Variants in ARL5B observed in about 807,000 individuals in gnomAD.
ARL5B encodes the protein ARF like GTPase 5B.
A neutral mutation model predicts 26.9 loss-of-function variants in ARL5B; 10 were observed. The ratio of observed to expected loss-of-function variants is 0.37; its 90% CI spans 0.23 to 0.63. The LOEUF (loss-of-function observed/expected upper bound fraction) is 0.63, where lower values mean the gene tolerates loss of function less well. ARL5B is among the 30% of genes least tolerant of loss of function. ARL5B has a pLI of 0.62. For missense variants in ARL5B, 167 were observed against 213.9 expected (o/e 0.78, Z 1.37); for synonymous variants, 87 against 70.4 (o/e 1.24, Z -1.18).
chr10:18,672,765 T>C (rs2059893493), intron 4 of ARL5B, 60 bp downstream of exon 4: 1 of 1,206,284 alleles, frequency 8.3e-7, no homozygotes, highest in Non-Finnish European at 1.2e-6. Flanking sequence ...ACGTTGCCTT[T>C]GCTTTTTTGC....
intron 5 of ARL5B, among the ~76,000 whole-genome samples, chr10:18,674,724 A>G (rs2059903243): frequency 6.6e-6 from 1 of 152,168 alleles, no homozygotes; most frequent in African/African-American, 2.4e-5. Flanking sequence ...TCACCTTCTT[A>G]GTTTTTCTCT....
intron 1 of ARL5B, among the ~76,000 whole-genome samples, chr10:18,661,077 G>C (rs2059833372): frequency 6.6e-6 from 1 of 152,170 alleles, no homozygotes; most frequent in Non-Finnish European, 1.5e-5. Flanking sequence ...TCGACCTTCT[G>C]ACTTCAGGTG....
At chr10:18,670,571 A>T (rs2059882525) in intron 3 of ARL5B, among the ~76,000 whole-genome samples, 1 of 152,210 alleles carries the variant, frequency 6.6e-6, no homozygotes, top group Non-Finnish European at 1.5e-5. Flanking sequence ...AGATAGCACC[A>T]CTGCACTCCA....
rs979766577 is a variant in ARL5B at position 18,678,337 on chromosome 10, A to G, written c.*3121A>G. The stretch of plus-strand genomic sequence containing the variant: ...TTTAAATGAGTGCCACCCCATAGCC[A>G]TAGTCATTTTGATTAAGCATAATTT... On this transcript the variant is annotated 3_prime_UTR_variant, in exon 6 of 6. Transcript: ENST00000377275. The G allele has an allele frequency of 3.3e-5, 5 of 151,858 alleles. No homozygotes were observed. Among genetic ancestry groups the G allele is most frequent in the Admixed American group, 2.6e-4 (4 of 15,244 alleles). The allele number at this position is 151,858 out of a possible 1,614,324, so 9.4% of individuals were successfully genotyped here. A position where few individuals can be genotyped will look rare whatever the true frequency, so the allele number is the denominator to read the frequency against.
chr10:18,676,096 A>G lies in ARL5B; in HGVS notation c.*880A>G, dbSNP rs1014590238. 5.9e-5 allele frequency: 9 copies of G among 152,460 alleles called. No individual in the cohort carries two copies. The highest frequency in any genetic ancestry group is 1.9e-4 in the African/African-American group (8 of 41,442). 9.4% of individuals were successfully genotyped at this position (152,460 alleles called of 1,614,324 possible). On this transcript the variant is annotated 3_prime_UTR_variant, in exon 6 of 6. Transcript: ENST00000377275. ...CAGTTTACAAACAACTTTATTATCA[A>G]CAGAAATTTTAGCTCTTTTCTTTGC...
intron 1 of ARL5B, among the ~76,000 whole-genome samples, chr10:18,660,904 G>C (rs1216050963): frequency 6.6e-6 from 1 of 152,146 alleles, no homozygotes; most frequent in Non-Finnish European, 1.5e-5. Context: ...CTTCAGTGCA[G>C]TGGCGCAATC....
chr10:18,659,673 C>T lies in ARL5B; in HGVS notation c.36C>T (p.Phe12=). Residue 12 remains phenylalanine (F), a synonymous_variant, in exon 1 of 6, where the codon TTC becomes TTT. Coordinates refer to ENST00000377275, the MANE Select transcript of ARL5B (RefSeq NM_178815.5). ...TCTTCGCCAAACTGTGGAGCCTCTT[C>T]TGTAACCAAGGTGAGAAGAATGGAG... ...GLIFAKLWSL[F]CNQEHKVIIV... 1 of 1,613,228 alleles carries T rather than the reference C, an allele frequency of 6.2e-7. No homozygotes were observed. Among genetic ancestry groups the T allele is most frequent in the East Asian group, 2.2e-5 (1 of 44,788 alleles).
chr10:18,678,168 T>C lies in ARL5B; in HGVS notation c.*2952T>C, dbSNP rs1045758755. Reference sequence around the variant, plus strand: ...AATTCCTTAAAACCTGGAATATTAATATATATAATCTATTAAAAGCTGAAG... The same window carrying C: ...AATTCCTTAAAACCTGGAATATTAACATATATAATCTATTAAAAGCTGAAG... On this transcript the variant is annotated 3_prime_UTR_variant, in exon 6 of 6. Coordinates refer to ENST00000377275, the MANE Select transcript of ARL5B (RefSeq NM_178815.5). The C allele has an allele frequency of 2.6e-5, 4 of 151,810 alleles. No homozygotes were observed. The highest frequency in any genetic ancestry group is 6.6e-5 in the Admixed American group (1 of 15,242). 9.4% of individuals were successfully genotyped at this position (151,810 alleles called of 1,614,324 possible).
chr10:18,675,276 A>G lies in ARL5B; in HGVS notation c.*60A>G. 6.6e-7 allele frequency: 1 copy of G among 1,521,134 alleles called. No individual in the cohort carries two copies. Among genetic ancestry groups the G allele is most frequent in the Non-Finnish European group, 9.1e-7 (1 of 1,096,368 alleles). The allele number at this position is 1,521,134 out of a possible 1,614,324, so 94.2% of individuals were successfully genotyped here. A position where few individuals can be genotyped will look rare whatever the true frequency, so the allele number is the denominator to read the frequency against. ...TGTGACATGAACATTTTTTCCTAGT[A>G]CCTTTGGCTGCTAAGGCAGCAGCAT... is the stretch of plus-strand genomic sequence containing the variant. On this transcript the variant is annotated 3_prime_UTR_variant, in exon 6 of 6. Coordinates refer to ENST00000377275, the MANE Select transcript of ARL5B (RefSeq NM_178815.5).
chr10:18,675,234 G>T lies in ARL5B; in HGVS notation c.*18G>T. Reference sequence around the variant, plus strand: ...TGAGATAACTTTTTTGCTTGAAAGAGACTGCTCTATTTATTCTGTGACATG... The same window carrying T: ...TGAGATAACTTTTTTGCTTGAAAGATACTGCTCTATTTATTCTGTGACATG... On this transcript the variant is annotated 3_prime_UTR_variant, in exon 6 of 6. Transcript: ENST00000377275. The T allele has an allele frequency of 6.2e-7, 1 of 1,610,568 alleles. No individual in the cohort carries two copies. The highest frequency in any genetic ancestry group is 8.5e-7 in the Non-Finnish European group (1 of 1,176,848).
chr10:18,659,697 AGCT>A lies in ARL5B; in HGVS notation c.46+17_46+19del. 6.2e-7 allele frequency: 1 copy of A among 1,610,964 alleles called. No individual in the cohort carries two copies. The highest frequency in any genetic ancestry group is 8.5e-7 in the Non-Finnish European group (1 of 1,178,782). On this transcript the variant is annotated intron_variant, in intron 1 of 5. Coordinates refer to ENST00000377275, the MANE Select transcript of ARL5B (RefSeq NM_178815.5). ...TCTGTAACCAAGGTGAGAAGAATGGAGCTGCGCGGCGGCTCGAATCCGAGGCAG... is the reference window on the plus strand; with the variant it reads ...TCTGTAACCAAGGTGAGAAGAATGGAGCGCGGCGGCTCGAATCCGAGGCAG...
In ARL5B at chr10:18,659,449, G is replaced by A. The variant is rs1590220938; in HGVS notation, c.-189G>A. 1.0e-5 allele frequency: 7 copies of A among 697,074 alleles called. No homozygotes were observed. In the East Asian group the frequency reaches 2.2e-4, roughly 21 times the overall value. The allele number at this position is 697,074 out of a possible 1,614,324, so 43.2% of individuals were successfully genotyped here. A position where few individuals can be genotyped will look rare whatever the true frequency, so the allele number is the denominator to read the frequency against. The stretch of plus-strand genomic sequence containing the variant: ...TGGGCTCAGTGGGCTCGAAACAAAG[G>A]GCTGTCCGGTGGGGATTCGTCGCGG... On this transcript the variant is annotated 5_prime_UTR_variant, in exon 1 of 6. Coordinates refer to ENST00000377275, the MANE Select transcript of ARL5B (RefSeq NM_178815.5).
At chr10:18,664,429 CT>C (rs140830487) in intron 1 of ARL5B, among the ~76,000 whole-genome samples, 362 of 67,220 alleles carry the variant, frequency 5.4e-3, no homozygotes, top group African/African-American at 0.015. Flanking sequence ...ACAGTAGTGT[CT>C]TTTTTTTTTT....
At chr10:18,666,508 T>C (rs1426939876) in intron 1 of ARL5B, 67 bp from the exon 2 acceptor site, 1 of 1,290,350 alleles carries the variant, frequency 7.7e-7, no homozygotes, top group Non-Finnish European at 1.1e-6. Context: ...TAATAATCAT[T>C]GTTGAAAGCA....
rs1192435103 is a variant in ARL5B at position 18,666,586 on chromosome 10, A to G, written c.58A>G (p.Ile20Val). ...CTTTCTTTTTGTAGAACACAAAGTA[A>G]TTATAGTGGGACTGGATAATGCAGG... ...SLFCNQEHKV[I>V]IVGLDNAGKT... Residue 20 changes from isoleucine to valine, a missense_variant, in exon 2 of 6, where the codon ATT becomes GTT. Transcript: ENST00000377275. 6.2e-7 allele frequency: 1 copy of G among 1,608,980 alleles called. No individual in the cohort carries two copies. The highest frequency in any genetic ancestry group is 8.5e-7 in the Non-Finnish European group (1 of 1,177,834).
At position 18,666,652 on chromosome 10, in the gene ARL5B, A is replaced by C. The variant is rs776741584; in HGVS notation, c.107+17A>C. The C allele has an allele frequency of 6.3e-7, 1 of 1,586,708 alleles. No homozygotes were observed. Among genetic ancestry groups the C allele is most frequent in the Non-Finnish European group, 8.6e-7 (1 of 1,160,958 alleles). On this transcript the variant is annotated intron_variant, in intron 2 of 5. Transcript: ENST00000377275. Reference sequence around the variant, plus strand: ...TTACCAATTGTAAGTATGGGTGTTTATTAAACAGTTTTCACTAGTTATTGA... The same window carrying C: ...TTACCAATTGTAAGTATGGGTGTTTCTTAAACAGTTTTCACTAGTTATTGA...
intron 4 of ARL5B, among the ~76,000 whole-genome samples, chr10:18,672,981 A>G (rs1253925760): frequency 6.6e-6 from 1 of 152,210 alleles, no homozygotes; most frequent in Non-Finnish European, 1.5e-5. Context: ...AGTCTGATAA[A>G]TTGAGATAAG....
intron 4 of ARL5B, among the ~76,000 whole-genome samples, 178 bp downstream of exon 4, chr10:18,672,883 T>C (rs1187955211): frequency 6.6e-6 from 1 of 152,186 alleles, no homozygotes; most frequent in African/African-American, 2.4e-5. Context: ...TTTTTCAAAC[T>C]TAAAAAACCC....
In ARL5B at chr10:18,659,693, A is replaced by G. The variant is rs2059818112; in HGVS notation, c.46+10A>G. On this transcript the variant is annotated intron_variant, in intron 1 of 5. Coordinates refer to ENST00000377275, the MANE Select transcript of ARL5B (RefSeq NM_178815.5). The stretch of plus-strand genomic sequence containing the variant: ...CTCTTCTGTAACCAAGGTGAGAAGA[A>G]TGGAGCTGCGCGGCGGCTCGAATCC... 6 of 1,611,876 alleles carry G rather than the reference A, an allele frequency of 3.7e-6. No individual in the cohort carries two copies. The highest frequency in any genetic ancestry group is 5.1e-6 in the Non-Finnish European group (6 of 1,179,128).
Sources: gnomAD v4.1 joint callset for allele counts (sites outside exome capture counted in the v4.1 genomes callset) on GRCh38, gnomAD v4.1.1 for gene constraint, MANE v1.5 for transcripts, NCBI Gene and HGNC (gene_info 2026-07-23, HGNC 2026-07-21) for gene names.